The following PXDNL variants were observed in gnomAD, a reference collection of about 807,000 sequenced individuals.
PXDNL encodes probable oxidoreductase PXDNL.
In PXDNL, 145 loss-of-function variants were observed where a neutral mutation model predicts 150.8. The observed-to-expected ratio is 0.96, with a 90% CI of 0.84 to 1.10. PXDNL has a LOEUF of 1.10. Ranked by LOEUF, PXDNL falls within the 50% of genes least tolerant of loss-of-function variation. PXDNL has a pLI of 0.00. For missense variants in PXDNL, 2,087 were observed against 1,873.9 expected (o/e 1.11, Z -2.10); for synonymous variants, 757 against 725.7 (o/e 1.04, Z -0.69).
intron 2 of PXDNL, among the ~76,000 whole-genome samples, chr8:51,608,566 G>A (rs1032543043): frequency 1.4e-5 from 2 of 147,938 alleles, no homozygotes; most frequent in Non-Finnish European, 3.0e-5. Flanking sequence ...GGCCGGGCGC[G>A]GTGGCTCACG....
intron 1 of PXDNL, among the ~76,000 whole-genome samples, chr8:51,666,798 C>T (rs1815396795): frequency 2.0e-5 from 3 of 152,270 alleles, no homozygotes; most frequent in African/African-American, 7.2e-5. Context: ...TCTATATGCC[C>T]CTCTTGCATG....
chr8:51,744,965 AAAG>A (rs1563307830), intron 1 of PXDNL, among the ~76,000 whole-genome samples: 20,033 of 136,810 alleles, frequency 0.15, 2,745 homozygotes, highest in African/African-American at 0.19. Context: ...AGAAAGAAAG[AAAG>A]AAAGAAAGAA....
Position 51,679,946 on chromosome 8 carries a change from G to T in PXDNL, c.165-25186C>A, listed in dbSNP as rs192760776. 3.9e-4 allele frequency among the ~76,000 whole-genome samples: 60 copies of T among 152,164 alleles called. 1 individual carries two copies. Among genetic ancestry groups the T allele is most frequent in the Admixed American group, 1.6e-3 (25 of 15,276 alleles). On this transcript the variant is annotated intron_variant, in intron 1 of 22. Coordinates refer to ENST00000356297, the MANE Select transcript of PXDNL (RefSeq NM_144651.5). ...GGGACACATGCTCATTAGCTACAAA[G>T]AATTGTTTCATTTAATTTTAAGTTA...
chr8:51,416,555 C>T (rs560597892), intron 14 of PXDNL, among the ~76,000 whole-genome samples: 20 of 152,308 alleles, frequency 1.3e-4, no homozygotes, highest in Non-Finnish European at 2.2e-4. Flanking sequence ...AGCAAAGATA[C>T]GCAAAATTCT....
chr8:51,443,312 TATGAAGACAGATAC>T (rs1386185444), intron 12 of PXDNL, among the ~76,000 whole-genome samples: 39 of 152,122 alleles, frequency 2.6e-4, no homozygotes, highest in African/African-American at 9.2e-4. Flanking sequence ...ACATGAGGGA[TATGAAGACAGATAC>T]GAAAAAAGCC....
rs1302049959 is a variant in PXDNL at position 51,409,516 on chromosome 8, A to G, written c.2108T>C (p.Ile703Thr). The change falls in exon 17 of 23, where the codon ATC becomes ACC. Residue 703 changes from isoleucine (I) to threonine (T), a missense_variant. By Grantham distance (89) the Ile-to-Thr change is moderately conservative. Transcript: ENST00000356297. ...DLVSPRSLSL[I>T]ANLSGCTARR... ...AGCTGTGCATCCAGATAAATTGGCG[A>G]TGAGGCTGAGGGAGCGCGGGGACAC... 1 of 1,610,482 alleles carries G rather than the reference A, an allele frequency of 6.2e-7. No individual in the cohort carries two copies. The highest frequency in any genetic ancestry group is 1.7e-5 in the Admixed American group (1 of 59,430).
At chr8:51,414,338 C>A (rs1808736681) in intron 14 of PXDNL, among the ~76,000 whole-genome samples, 1 of 151,446 alleles carries the variant, frequency 6.6e-6, no homozygotes, top group African/African-American at 2.4e-5. Flanking sequence ...TATATTATGA[C>A]CATCTATATA....
intron 1 of PXDNL, among the ~76,000 whole-genome samples, chr8:51,690,060 C>G (rs1423829269): frequency 6.6e-6 from 1 of 152,132 alleles, no homozygotes; most frequent in East Asian, 1.9e-4. Flanking sequence ...TAAAACCGAG[C>G]TTTTTATATT....
At chr8:51,392,956 AC>A (rs1807958726) in intron 17 of PXDNL, among the ~76,000 whole-genome samples, 2 of 152,198 alleles carry the variant, frequency 1.3e-5, no homozygotes, top group African/African-American at 4.8e-5. Context: ...GAGTAGTCTC[AC>A]TTACAGCCAT....
At chr8:51,666,579 G>A (rs1009333642) in intron 1 of PXDNL, among the ~76,000 whole-genome samples, 24 of 151,942 alleles carry the variant, frequency 1.6e-4, no homozygotes, top group African/African-American at 4.6e-4. Context: ...ATAAATGGGC[G>A]TACCAAAGAT....
chr8:51,432,082 T>C (rs1809261733), intron 12 of PXDNL, among the ~76,000 whole-genome samples: 1 of 152,242 alleles, frequency 6.6e-6, no homozygotes, highest in Admixed American at 6.5e-5. Flanking sequence ...ATCATAATGA[T>C]TTTACTTCTT....
intron 4 of PXDNL, among the ~76,000 whole-genome samples, chr8:51,546,234 G>A (rs560263235): frequency 1.3e-5 from 2 of 152,236 alleles, no homozygotes; most frequent in Admixed American, 1.3e-4. Context: ...TTCCCACTGG[G>A]GAACCTAAAA....
At chr8:51,679,857 A>G (rs1172834720) in intron 1 of PXDNL, among the ~76,000 whole-genome samples, 1 of 152,192 alleles carries the variant, frequency 6.6e-6, no homozygotes, top group African/African-American at 2.4e-5. Context: ...CAACTTCACC[A>G]GAGTCAGGAT....
At chr8:51,401,436 C>T (rs1808245896) in intron 17 of PXDNL, among the ~76,000 whole-genome samples, 1 of 152,132 alleles carries the variant, frequency 6.6e-6, no homozygotes. Context: ...GAGATGAAGA[C>T]AAGACGCTGG....
intron 2 of PXDNL, among the ~76,000 whole-genome samples, chr8:51,640,806 T>A (rs1585640890): frequency 1.3e-5 from 2 of 151,870 alleles, no homozygotes; most frequent in South Asian, 2.1e-4. Flanking sequence ...TTCAATGCCA[T>A]CCCCATCAAG....
intron 17 of PXDNL, among the ~76,000 whole-genome samples, chr8:51,390,550 T>C (rs1044202496): frequency 3.9e-5 from 6 of 152,238 alleles, no homozygotes; most frequent in Middle Eastern, 3.4e-3. Context: ...TTTAAAATAT[T>C]TTCTGGGTAT....
chr8:51,327,325 A>C (rs527983343), intron 21 of PXDNL, among the ~76,000 whole-genome samples: 2 of 152,338 alleles, frequency 1.3e-5, no homozygotes, highest in South Asian at 4.1e-4. Context: ...AACTCTCATC[A>C]CAACAACAAG....
intron 3 of PXDNL, among the ~76,000 whole-genome samples, chr8:51,573,371 C>T (rs1183984550): frequency 6.6e-6 from 1 of 151,940 alleles, no homozygotes; most frequent in East Asian, 1.9e-4. Flanking sequence ...TCCACCCAAA[C>T]CAGCAATAAA....
At chr8:51,406,648 A>T (rs1202672761) in intron 17 of PXDNL, among the ~76,000 whole-genome samples, 2 of 152,156 alleles carry the variant, frequency 1.3e-5, no homozygotes, top group African/African-American at 4.8e-5. Context: ...CTTACACTTA[A>T]ACTTCTAAGA....
Sources: gnomAD v4.1 joint callset for allele counts (sites outside exome capture counted in the v4.1 genomes callset) on GRCh38, gnomAD v4.1.1 for gene constraint, MANE v1.5 for transcripts, NCBI Gene and HGNC (gene_info 2026-07-23, HGNC 2026-07-21) for gene names.